The following MPC2 variants were observed in gnomAD, a reference collection of about 807,000 sequenced individuals.
MPC2 encodes brain protein 44.
MPC2 carries 19 observed loss-of-function variants against 19.2 expected under a neutral mutation model. The observed-to-expected ratio is 0.99, with a 90% CI of 0.69 to 1.45. MPC2 has a LOEUF of 1.45. Ranked by LOEUF, MPC2 falls within the 40% of genes most tolerant of loss-of-function variation. The pLI, the probability that MPC2 is intolerant of heterozygous loss-of-function variation, is 0.00. For synonymous variants in MPC2, 61 were observed against 54.3 expected (o/e 1.12, Z -0.54); for missense variants, 122 against 153.0 (o/e 0.80, Z 1.07).
chr1:167,935,921 C>A, intron 1 of MPC2, 23 bp from the exon 2 acceptor site: 1 of 1,118,138 alleles, frequency 8.9e-7, no homozygotes, highest in South Asian at 1.3e-5. Context: ...GGGAGCTAGT[C>A]ACTTTTCCTG....
At chr1:167,925,556 T>G (rs1361021091) in intron 2 of MPC2, among the ~76,000 whole-genome samples, 3 of 144,416 alleles carry the variant, frequency 2.1e-5, no homozygotes, top group South Asian at 2.2e-4. Context: ...GTTTTTTTTG[T>G]TTTTTTTTGA....
At position 167,918,187 on chromosome 1, in the gene MPC2, A is replaced by G. The variant is rs1670511786; in HGVS notation, c.*136T>C. On this transcript the variant is annotated 3_prime_UTR_variant, in exon 6 of 6. Transcript: ENST00000271373. ...TATTAAAAGTTTGCTGCATTTTTCT[A>G]TTGAATCAAGAACTAGCTACCAGTT... 5 of 612,846 alleles carry G rather than the reference A, an allele frequency of 8.2e-6. No individual in the cohort carries two copies. Among genetic ancestry groups the G allele is most frequent in the South Asian group, 2.5e-5 (1 of 39,528 alleles). The allele number at this position is 612,846 out of a possible 1,614,324, so 38.0% of individuals were successfully genotyped here.
At chr1:167,930,150 T>C (rs983947740) in intron 2 of MPC2, among the ~76,000 whole-genome samples, 1 of 152,320 alleles carries the variant, frequency 6.6e-6, no homozygotes, top group Admixed American at 6.5e-5. Flanking sequence ...TTTTCCACAA[T>C]GCCTTGGAAA....
At chr1:167,919,955 T>A in intron 5 of MPC2, 24 bp downstream of exon 5, 2 of 1,564,176 alleles carry the variant, frequency 1.3e-6, no homozygotes, top group Non-Finnish European at 1.7e-6. Context: ...GCAACAGTTT[T>A]AAAAATATCT....
chr1:167,925,478 T>TATATATATATATATATATATAC (rs1298972592), intron 2 of MPC2, among the ~76,000 whole-genome samples: 1 of 122,624 alleles, frequency 8.2e-6, no homozygotes, highest in Admixed American at 8.2e-5. Flanking sequence ...TATATATACA[T>TATATATATATATATATATATAC]ATACATATAC....
chr1:167,932,607 G>C (rs1026522289), intron 2 of MPC2, among the ~76,000 whole-genome samples: 1 of 152,024 alleles, frequency 6.6e-6, no homozygotes, highest in Non-Finnish European at 1.5e-5. Flanking sequence ...TCAGGAGTTT[G>C]AGACCAGCCT....
At chr1:167,920,512 C>T in intron 4 of MPC2, 35 bp downstream of exon 4, 1 of 1,598,930 alleles carries the variant, frequency 6.3e-7, no homozygotes, top group Non-Finnish European at 8.5e-7. Context: ...CATTTATGTT[C>T]TACAAGAAAC....
intron 4 of MPC2, 56 bp downstream of exon 4, chr1:167,920,491 A>G (rs1470280889): frequency 1.3e-6 from 2 of 1,569,866 alleles, no homozygotes; most frequent in Non-Finnish European, 8.7e-7. Context: ...GATATAAAAG[A>G]AAACAAAAAT....
intron 2 of MPC2, among the ~76,000 whole-genome samples, chr1:167,933,504 T>C (rs1018857641): frequency 1.3e-5 from 2 of 152,208 alleles, no homozygotes; most frequent in African/African-American, 4.8e-5. Context: ...ACATACAGTG[T>C]CAGTGATAAA....
intron 2 of MPC2, among the ~76,000 whole-genome samples, chr1:167,928,241 G>C (rs1489247346): frequency 6.6e-6 from 1 of 151,332 alleles, no homozygotes; most frequent in Non-Finnish European, 1.5e-5. Context: ...CCAGCTACTC[G>C]GGAGGCTGAG....
At chr1:167,918,461 C>G in intron 5 of MPC2, 102 bp from the exon 6 acceptor site, 1 of 713,598 alleles carries the variant, frequency 1.4e-6, no homozygotes, top group Non-Finnish European at 2.3e-6. Context: ...TCTTGGTGGT[C>G]AAGTAGCTAT....
chr1:167,936,745 C>T, intron 1 of MPC2, 194 bp downstream of exon 1: 1 of 618,736 alleles, frequency 1.6e-6, no homozygotes, highest in South Asian at 2.0e-5. Flanking sequence ...TGCGGCCGGG[C>T]TTCAGGGGCC....
At chr1:167,921,469 G>A (rs975825954) in intron 3 of MPC2, among the ~76,000 whole-genome samples, 2 of 152,064 alleles carry the variant, frequency 1.3e-5, no homozygotes, top group Non-Finnish European at 2.9e-5. Context: ...TGATCCGCCC[G>A]CCTCAACCTC....
rs754963290 is a variant in MPC2, at chr1:167,937,007, G to A, written c.-126C>T. On this transcript the variant is annotated 5_prime_UTR_variant, in exon 1 of 6. Coordinates refer to ENST00000271373, the MANE Select transcript of MPC2 (RefSeq NM_001143674.4). ...CGTCCCGGCTGCGGAGTCGCTACCT[G>A]GGTGAGCGGGGGCCCCGGGGCGGAG... is the stretch of plus-strand genomic sequence containing the variant. 6.2e-7 allele frequency: 1 copy of A among 1,607,098 alleles called. No individual in the cohort carries two copies. Among genetic ancestry groups the A allele is most frequent in the South Asian group, 1.1e-5 (1 of 89,662 alleles).
intron 1 of MPC2, chr1:167,936,645 T>C: frequency 2.5e-6 from 1 of 393,202 alleles, no homozygotes; most frequent in African/African-American, 2.2e-5. Flanking sequence ...CTCCTCCTGT[T>C]GGAGGGGGGC....
At chr1:167,926,895 T>C (rs1670773941) in intron 2 of MPC2, among the ~76,000 whole-genome samples, 1 of 152,166 alleles carries the variant, frequency 6.6e-6, no homozygotes, top group African/African-American at 2.4e-5. Context: ...CAAGGAAGCC[T>C]TAAAAAACAA....
intron 2 of MPC2, among the ~76,000 whole-genome samples, chr1:167,928,067 G>A (rs983105648): frequency 2.0e-5 from 3 of 152,032 alleles, no homozygotes; most frequent in South Asian, 2.1e-4. Context: ...AAAAAAGGTC[G>A]GCCGGGCGCG....
At chr1:167,920,755 T>C (rs1373700231) in intron 3 of MPC2, 124 bp from the exon 4 acceptor site, 2 of 935,760 alleles carry the variant, frequency 2.1e-6, no homozygotes, top group Non-Finnish European at 3.1e-6. Flanking sequence ...TTAGTGTCCA[T>C]TCATTAAGAA....
At chr1:167,932,808 CAAAAAAAAAAAAAA>C (rs965449372) in intron 2 of MPC2, among the ~76,000 whole-genome samples, 2 of 54,966 alleles carry the variant, frequency 3.6e-5, no homozygotes, top group Admixed American at 3.7e-4. Context: ...GACTCTGTCT[CAAAAAAAAAAAAAA>C]AAAAAGAAAA....
Sources: gnomAD v4.1 joint callset for allele counts (sites outside exome capture counted in the v4.1 genomes callset) on GRCh38, gnomAD v4.1.1 for gene constraint, MANE v1.5 for transcripts, NCBI Gene and HGNC (gene_info 2026-07-23, HGNC 2026-07-21) for gene names.